Variants in RELN observed in about 807,000 individuals in gnomAD.
The protein encoded by RELN is reelin.
In RELN, 108 loss-of-function variants were observed where a neutral mutation model predicts 427.6. That is an observed-to-expected ratio of 0.25 (90% CI 0.22 to 0.30). The LOEUF (loss-of-function observed/expected upper bound fraction) is 0.30, where lower values mean the gene tolerates loss of function less well. Ranked by LOEUF, RELN falls within the 10% of genes least tolerant of loss-of-function variation. RELN has a pLI of 1.00. For missense variants in RELN, 3,715 were observed against 4,302.8 expected (o/e 0.86, Z 3.82); for synonymous variants, 1,524 against 1,513.4 (o/e 1.01, Z -0.16).
At chr7:103,499,552 A>ATCTT (rs1828953305) in intron 53 of RELN, among the ~76,000 whole-genome samples, 1 of 152,174 alleles carries the variant, frequency 6.6e-6, no homozygotes, top group African/African-American at 2.4e-5. Flanking sequence ...GGAGAGTTCT[A>ATCTT]TCTTACTGTG....
At chr7:103,551,938 G>T (rs2535763) in intron 40 of RELN, among the ~76,000 whole-genome samples, 42,057 of 144,724 alleles carry the variant, frequency 0.29, 7,815 homozygotes, top group African/African-American at 0.53. Context: ...TGTGTGTGTG[G>T]GTGTGTGTGT....
In RELN at chr7:103,989,175, A is replaced by G; in HGVS notation, c.182T>C (p.Ile61Thr). The part of the protein sequence containing the change: ...EQGEVLISLH[I>T]AGNPTYYVPG... ...AACGTAGTAGGTGGGGTTGCCCGCAATATGCAGGGAAATGAGCACCTCGCC... is the reference window on the plus strand; with the variant it reads ...AACGTAGTAGGTGGGGTTGCCCGCAGTATGCAGGGAAATGAGCACCTCGCC... Residue 61 changes from isoleucine to threonine, a missense_variant, in exon 1 of 65, where the codon ATT becomes ACT. By Grantham distance (89) the Ile-to-Thr change is moderately conservative. Coordinates refer to ENST00000428762, the MANE Select transcript of RELN (RefSeq NM_005045.4). The surrounding 1 kb of genome is among the most constrained non-coding windows in gnomAD (Gnocchi z 4.9). 6.2e-7 allele frequency: 1 copy of G among 1,614,058 alleles called. No homozygotes were observed. The highest frequency in any genetic ancestry group is 8.5e-7 in the Non-Finnish European group (1 of 1,179,980).
At chr7:103,588,235 A>G (rs1387772786) in intron 28 of RELN, among the ~76,000 whole-genome samples, 2 of 152,200 alleles carry the variant, frequency 1.3e-5, no homozygotes, top group African/African-American at 2.4e-5. Flanking sequence ...GGATGGAACC[A>G]GAGGCCATTA....
At chr7:103,599,284 C>A (rs1458715068) in intron 24 of RELN, among the ~76,000 whole-genome samples, 2 of 151,882 alleles carry the variant, frequency 1.3e-5, no homozygotes, top group African/African-American at 2.4e-5. Flanking sequence ...CTTTCTTCAA[C>A]AATTATACCA....
Position 103,651,734 on chromosome 7 carries a change from CA to C in RELN, c.1818del (p.Glu607AsnfsTer29). ...CCAGCACAGATCTCAGGTAAGCATT[CA>C]GTGTGAAGGAGGGACCAGGAGCGCC... ...NHGRSWSLLHTECLPEICAGP... is the reference protein window; with the variant it reads ...NHGRSWSLLHXECLPEICAGP... On this transcript the variant is annotated frameshift_variant, in exon 15 of 65. Coordinates refer to ENST00000428762, the MANE Select transcript of RELN (RefSeq NM_005045.4). LOFTEE classifies it high-confidence loss of function. The C allele has an allele frequency of 1.2e-6, 2 of 1,611,884 alleles. No homozygotes were observed. The highest frequency in any genetic ancestry group is 8.5e-7 in the Non-Finnish European group (1 of 1,178,712).
At chr7:103,491,658 C>T (rs143554431) in intron 58 of RELN, among the ~76,000 whole-genome samples, 139 of 151,806 alleles carry the variant, frequency 9.2e-4, no homozygotes, top group African/African-American at 3.2e-3. Flanking sequence ...GGAGAAACCC[C>T]GTCTCTACTA....
At chr7:103,884,329 C>G (rs868728094) in intron 2 of RELN, among the ~76,000 whole-genome samples, 15 of 152,294 alleles carry the variant, frequency 9.8e-5, no homozygotes, top group South Asian at 4.1e-4. Context: ...CATAAAAACC[C>G]TAGAAGAAAA....
chr7:103,620,895 C>A lies in RELN; in HGVS notation c.2702+9045G>T, dbSNP rs1832203452. Among the ~76,000 whole-genome samples the A allele has an allele frequency of 6.6e-6, 1 of 152,162 alleles. No individual in the cohort carries two copies. The highest frequency in any genetic ancestry group is 2.1e-4 in the South Asian group (1 of 4,830). On this transcript the variant is annotated intron_variant, in intron 20 of 64. Transcript: ENST00000428762. The surrounding 1 kb of genome is among the most constrained non-coding windows in gnomAD (Gnocchi z 4.1). ...AACATCACTTCCTTTTAGAACAGAA[C>A]ACACTGGTTGATGTAGTCAGGCCTG...
chr7:103,631,452 C>T (rs1219523278), intron 19 of RELN, among the ~76,000 whole-genome samples: 2 of 151,990 alleles, frequency 1.3e-5, no homozygotes, highest in Non-Finnish European at 2.9e-5. Context: ...TGCCACCACA[C>T]CCAGCTAATG....
intron 3 of RELN, among the ~76,000 whole-genome samples, chr7:103,819,706 A>C (rs901617317): frequency 6.6e-6 from 1 of 152,106 alleles, no homozygotes; most frequent in African/African-American, 2.4e-5. Flanking sequence ...TTCAAATAAT[A>C]AAATATTTCA....
intron 3 of RELN, among the ~76,000 whole-genome samples, chr7:103,820,461 T>C (rs181682125): frequency 2.8e-4 from 42 of 152,168 alleles, no homozygotes; most frequent in Middle Eastern, 3.4e-3. Context: ...ATGCAAAATA[T>C]GTTTATACTT....
Position 103,777,750 on chromosome 7 carries a change from G to A in RELN, c.474-1123C>T, listed in dbSNP as rs1469086406. Among the ~76,000 whole-genome samples the A allele has an allele frequency of 4.6e-5, 7 of 152,218 alleles. No individual in the cohort carries two copies. In the East Asian group the frequency reaches 1.2e-3, roughly 25 times the overall value. Reference sequence around the variant, plus strand: ...TTCTGAATTCCATCCTGATTGAATTGTAAGTAGACCCTAGTGTCAGTCCCC... The same window carrying A: ...TTCTGAATTCCATCCTGATTGAATTATAAGTAGACCCTAGTGTCAGTCCCC... On this transcript the variant is annotated intron_variant, in intron 3 of 64. Coordinates refer to ENST00000428762, the MANE Select transcript of RELN (RefSeq NM_005045.4).
At chr7:103,619,876 T>TTGTGTGTGTGTGTG (rs372160818) in intron 20 of RELN, among the ~76,000 whole-genome samples, 15 of 150,662 alleles carry the variant, frequency 1.0e-4, no homozygotes, top group African/African-American at 3.4e-4. Flanking sequence ...ATATGTGTGT[T>TTGTGTGTGTGTGTG]TGTGTGTGTG....
intron 2 of RELN, among the ~76,000 whole-genome samples, chr7:103,856,032 T>A (rs1793936342): frequency 6.6e-6 from 1 of 152,146 alleles, no homozygotes; most frequent in Non-Finnish European, 1.5e-5. Flanking sequence ...GGAACTGCAG[T>A]GTTCCTATTC....
At chr7:103,791,796 C>T (rs1792168282) in intron 3 of RELN, among the ~76,000 whole-genome samples, 2 of 151,626 alleles carry the variant, frequency 1.3e-5, no homozygotes, top group Non-Finnish European at 2.9e-5. Flanking sequence ...AAAAAAGACC[C>T]ACAGAATGAG....
intron 2 of RELN, among the ~76,000 whole-genome samples, chr7:103,900,737 G>A (rs1263581304): frequency 6.6e-6 from 1 of 152,092 alleles, no homozygotes. Flanking sequence ...AACAAGCAAT[G>A]GGGAAAATAT....
chr7:103,844,653 A>G (rs938181188), intron 2 of RELN, among the ~76,000 whole-genome samples: 5 of 152,180 alleles, frequency 3.3e-5, no homozygotes, highest in African/African-American at 1.2e-4. Context: ...GTGATCTTGA[A>G]CAAGTTACTT....
chr7:103,833,952 G>T (rs1047312126), intron 2 of RELN, among the ~76,000 whole-genome samples: 12 of 152,266 alleles, frequency 7.9e-5, no homozygotes, highest in Admixed American at 7.2e-4. Flanking sequence ...AAAACCACCA[G>T]GACCAACCTG....
rs1279358387 is a variant in RELN at position 103,824,627 on chromosome 7, A to AGAGTGTGTGT, written c.473+8909_473+8910insACACACACTC. Among the ~76,000 whole-genome samples, 1 of 130,896 alleles carries AGAGTGTGTGT rather than the reference A, an allele frequency of 7.6e-6. No individual in the cohort carries two copies. Among genetic ancestry groups the AGAGTGTGTGT allele is most frequent in the African/African-American group, 2.9e-5 (1 of 33,978 alleles). The allele number at this position is 130,896 out of a possible 152,430, so 85.9% of individuals were successfully genotyped here. A position where few individuals can be genotyped will look rare whatever the true frequency, so the allele number is the denominator to read the frequency against. On this transcript the variant is annotated intron_variant, in intron 3 of 64. Transcript: ENST00000428762. This position sits in a 1 kb window ranked among gnomAD's most constrained non-coding sequence, Gnocchi z 4.4. ...GTGTTTTCACTTTCTTTCAAAACAG[A>AGAGTGTGTGT]GTGTGTGTGTGTGTGTGTGTGTGTG...
Sources: gnomAD v4.1 joint callset for allele counts (sites outside exome capture counted in the v4.1 genomes callset) on GRCh38, gnomAD v4.1.1 for gene constraint, Gnocchi (gnomAD v3.1) non-coding constraint, MANE v1.5 for transcripts, NCBI Gene and HGNC (gene_info 2026-07-23, HGNC 2026-07-21) for gene names.